The following SORBS2 variants were observed in gnomAD, a reference collection of about 807,000 sequenced individuals.
The protein encoded by SORBS2 is sorbin and SH3 domain-containing protein 2.
Under a neutral mutation model 97.7 loss-of-function variants are expected in SORBS2, and 46 were observed. The observed-to-expected ratio is 0.47, with a 90% CI of 0.37 to 0.60. SORBS2 has a LOEUF of 0.60. SORBS2 is among the 20% of genes least tolerant of loss of function. SORBS2 has a pLI of 0.00. For synonymous variants in SORBS2, 476 were observed against 473.4 expected (o/e 1.01, Z -0.07); for missense variants, 1,316 against 1,282.3 (o/e 1.03, Z -0.40).
intron 1 of SORBS2, among the ~76,000 whole-genome samples, chr4:185,800,216 G>A (rs1022406693): frequency 6.6e-6 from 1 of 152,042 alleles, no homozygotes; most frequent in Non-Finnish European, 1.5e-5. Flanking sequence ...AATACAAAAA[G>A]TCCATGCTTC....
intron 1 of SORBS2, among the ~76,000 whole-genome samples, chr4:185,781,157 G>A (rs2099026845): frequency 6.6e-6 from 1 of 151,828 alleles, no homozygotes; most frequent in South Asian, 2.1e-4. Flanking sequence ...GGTTGGTCTC[G>A]AACTCCTAAC....
At position 185,623,361 on chromosome 4, in the gene SORBS2, T is replaced by G; in HGVS notation, c.1768A>C (p.Arg590=). 1 of 1,613,768 alleles carries G rather than the reference T, an allele frequency of 6.2e-7. No homozygotes were observed. Among genetic ancestry groups the G allele is most frequent in the South Asian group, 1.1e-5 (1 of 91,084 alleles). The change falls in exon 7 of 15, where the codon AGA becomes CGA. Residue 590 remains arginine, a synonymous_variant. Coordinates refer to ENST00000418609, the Ensembl canonical transcript of SORBS2. The surrounding 1 kb of genome is among the most constrained non-coding windows in gnomAD (Gnocchi z 6.4). ...AGGCCAGGGTCCATTTCTTGCCTTC[T>G]GGGCTCCTCGGTGTTTTCGTGTCTG...
rs28667901 is a variant in SORBS2 at position 185,935,234 on chromosome 4, A to G, written c.-338+20962T>C. 4.9e-3 allele frequency among the ~76,000 whole-genome samples: 750 copies of G among 152,334 alleles called. 8 individuals are homozygous for G. Among genetic ancestry groups the G allele is most frequent in the African/African-American group, 0.017 (701 of 41,578 alleles). On this transcript the variant is annotated intron_variant, in intron 1 of 20. Transcript: ENST00000284776. ...TGGTCCTTAAGGCACAAGGGGTTCA[A>G]TCCCAAGTATCTACTATTTCCACAA... is the stretch of plus-strand genomic sequence containing the variant.
chr4:185,693,981 C>T (rs927639396), intron 2 of SORBS2, among the ~76,000 whole-genome samples: 15 of 152,230 alleles, frequency 9.9e-5, no homozygotes, highest in Admixed American at 9.2e-4. Context: ...TTTTAGATGT[C>T]AAAATGTGAA....
chr4:185,755,269 G>T (rs531064495), intron 2 of SORBS2, among the ~76,000 whole-genome samples: 147 of 152,294 alleles, frequency 9.7e-4, no homozygotes, highest in African/African-American at 3.4e-3. Flanking sequence ...TGACACCTTT[G>T]CTTCCCATCG....
At chr4:185,818,744 T>C (rs1269796613) in intron 1 of SORBS2, among the ~76,000 whole-genome samples, 1 of 151,498 alleles carries the variant, frequency 6.6e-6, no homozygotes, top group Non-Finnish European at 1.5e-5. Flanking sequence ...GAGAATGGCA[T>C]GAACCCAGGA....
intron 2 of SORBS2, among the ~76,000 whole-genome samples, chr4:185,691,984 T>TG (rs1268463030): frequency 3.3e-5 from 5 of 152,246 alleles, no homozygotes; most frequent in African/African-American, 1.2e-4. Context: ...CCTGACCTTG[T>TG]GATCCGCCCG....
intron 1 of SORBS2, among the ~76,000 whole-genome samples, chr4:185,861,315 T>C (rs1444862975): frequency 1.7e-5 from 2 of 119,402 alleles, no homozygotes; most frequent in Non-Finnish European, 3.4e-5. Flanking sequence ...TCGCTGAAAA[T>C]GGGGGGTGGG....
chr4:185,943,471 C>G (rs1384462869), intron 1 of SORBS2, among the ~76,000 whole-genome samples: 1 of 152,164 alleles, frequency 6.6e-6, no homozygotes, highest in Non-Finnish European at 1.5e-5. Context: ...GGTACCTACT[C>G]AAGCTGTAAG....
At chr4:185,918,633 A>T (rs1561300260) in intron 1 of SORBS2, 2 of 152,188 alleles carry the variant, frequency 1.3e-5, no homozygotes, top group Non-Finnish European at 2.9e-5. Context: ...TATTAGAGAG[A>T]CATTTGCGTA....
In SORBS2 at chr4:185,623,075, C is replaced by A; in HGVS notation, c.2054G>T (p.Ser685Ile). 6.2e-7 allele frequency: 1 copy of A among 1,614,102 alleles called. No homozygotes were observed. Among genetic ancestry groups the A allele is most frequent in the South Asian group, 1.1e-5 (1 of 91,062 alleles). The change falls in exon 7 of 15, where the codon AGC becomes ATC. Residue 685 changes from serine to isoleucine, a missense_variant. Coordinates refer to ENST00000418609, the Ensembl canonical transcript of SORBS2. This position sits in a 1 kb window ranked among gnomAD's most constrained non-coding sequence, Gnocchi z 6.4. ...TGGGTGGAGAGGCTGGTGCAGGGGG[C>A]TCCTCCTCAGCGCTCTCAGGGATGA...
chr4:185,798,183 C>T (rs1336197559), intron 1 of SORBS2, among the ~76,000 whole-genome samples: 2 of 152,002 alleles, frequency 1.3e-5, no homozygotes, highest in African/African-American at 2.4e-5. Flanking sequence ...CAGACCTCAC[C>T]CTACACAATT....
intron 4 of SORBS2, among the ~76,000 whole-genome samples, chr4:185,637,397 G>A (rs1237269431): frequency 6.6e-6 from 1 of 152,212 alleles, no homozygotes; most frequent in Non-Finnish European, 1.5e-5. Flanking sequence ...ACTCTGCGAT[G>A]TTTGCACAAT....
chr4:185,637,463 C>T (rs1279602509), intron 4 of SORBS2, among the ~76,000 whole-genome samples: 2 of 152,214 alleles, frequency 1.3e-5, no homozygotes, highest in African/African-American at 2.4e-5. Context: ...TTAAGCAACA[C>T]GTGACTGTAT....
At chr4:185,940,672 C>T (rs1422921398) in intron 1 of SORBS2, among the ~76,000 whole-genome samples, 1 of 152,224 alleles carries the variant, frequency 6.6e-6, no homozygotes, top group African/African-American at 2.4e-5. Flanking sequence ...TTACTCTTCT[C>T]CACCCAAGCT....
At chr4:185,652,120 G>A (rs534452653) in intron 2 of SORBS2, among the ~76,000 whole-genome samples, 1 of 152,150 alleles carries the variant, frequency 6.6e-6, no homozygotes, top group Non-Finnish European at 1.5e-5. Context: ...TTACAGGTGT[G>A]TGCCACCACA....
chr4:185,665,865 G>GGA, intron 4 of SORBS2: 1 of 1,179,644 alleles, frequency 8.5e-7, no homozygotes, highest in Non-Finnish European at 1.1e-6. Flanking sequence ...GCATGGCTGT[G>GGA]GAGGACTCAC....
intron 4 of SORBS2, among the ~76,000 whole-genome samples, chr4:185,667,116 CG>C (rs2153480377): frequency 6.6e-6 from 1 of 152,216 alleles, no homozygotes; most frequent in African/African-American, 2.4e-5. Flanking sequence ...AATAAAACTC[CG>C]AAGCAACTTT....
intron 4 of SORBS2, among the ~76,000 whole-genome samples, chr4:185,671,095 T>C (rs1189150694): frequency 6.6e-6 from 1 of 152,166 alleles, no homozygotes; most frequent in African/African-American, 2.4e-5. Flanking sequence ...CCCGTTTCCC[T>C]AAGGCCTGGC....
Sources: allele counts gnomAD v4.1 joint callset (sites outside exome capture counted in the v4.1 genomes callset), GRCh38; gene constraint gnomAD v4.1.1; non-coding constraint Gnocchi (gnomAD v3.1); transcripts MANE v1.5; gene names NCBI Gene and HGNC (gene_info 2026-07-23, HGNC 2026-07-21).